The following GOLGA3 variants were observed in gnomAD, a reference collection of about 807,000 sequenced individuals.
The protein encoded by GOLGA3 is golgin A3, also known as golgin subfamily A member 3.
A neutral mutation model predicts 169.4 loss-of-function variants in GOLGA3; 75 were observed. That is an observed-to-expected ratio of 0.44 (90% CI 0.37 to 0.54). The LOEUF (loss-of-function observed/expected upper bound fraction) is 0.54. Among genes scored for constraint, GOLGA3 ranks in the 20% least tolerant of loss-of-function variants. GOLGA3 has a pLI of 0.00. For synonymous variants in GOLGA3, 824 were observed against 822.4 expected, an observed-to-expected ratio of 1.00 and a Z score of -0.03; for missense variants, 1,899 against 1,930.0, an observed-to-expected ratio of 0.98 and a Z score of 0.30.
At position 132,776,713 on chromosome 12, in the gene GOLGA3, A is replaced by T; in HGVS notation, c.3899T>A (p.Ile1300Asn). The change falls in exon 21 of 24, where the codon ATC (isoleucine) becomes AAC (asparagine). Residue 1300 changes from isoleucine to asparagine, a missense_variant. Ile to Asn is a moderately radical substitution (Grantham distance 149, BLOSUM62 -3). Transcript: ENST00000450791. ...KWEVDQKERE[I>N]QSLKQQLDLT... ...GTCCAGCTGCTGCTTCAAGGACTGG[A>T]TTTCTCTTTCTTTCTGATCCACCTC... 6.2e-7 allele frequency: 1 copy of T among 1,614,002 alleles called. No individual in the cohort carries two copies. The highest frequency in any genetic ancestry group is 8.5e-7 in the Non-Finnish European group (1 of 1,179,986).
At position 132,777,783 on chromosome 12, in the gene GOLGA3, G is replaced by C. The variant is rs1323126648; in HGVS notation, c.3605C>G (p.Ala1202Gly). ...CTTGAAGTGGCGGCGGTTATGCCCGGCTTCCACCTTGGCAGCAGCCACCTA... is the reference window on the plus strand; with the variant it reads ...CTTGAAGTGGCGGCGGTTATGCCCGCCTTCCACCTTGGCAGCAGCCACCTA... ...KEQVAAAKVEAGHNRRHFKAA... is the reference protein window; with the variant it reads ...KEQVAAAKVEGGHNRRHFKAA... The change falls in exon 19 of 24, where the codon GCC (alanine) becomes GGC (glycine). Residue 1202 changes from alanine (A) to glycine (G), a missense_variant. Physicochemically the swap from Ala to Gly is moderately conservative, Grantham distance 60. Coordinates refer to ENST00000450791, the MANE Select transcript of GOLGA3 (RefSeq NM_001389683.1). The surrounding 1 kb of genome is among the most constrained non-coding windows in gnomAD (Gnocchi z 4.7). 6.2e-7 allele frequency: 1 copy of C among 1,613,486 alleles called. No individual in the cohort carries two copies. The highest frequency in any genetic ancestry group is 8.5e-7 in the Non-Finnish European group (1 of 1,179,892).
Position 132,782,378 on chromosome 12 carries a change from T to G in GOLGA3, c.3383A>C (p.Asn1128Thr). 2.5e-6 allele frequency: 4 copies of G among 1,614,256 alleles called. No individual in the cohort carries two copies. Among genetic ancestry groups the G allele is most frequent in the South Asian group, 1.1e-5 (1 of 91,084 alleles). ...GCTGTTGTGTTCCCGCAGAGCTGCG[T>G]TGGACTGACCGAGGCCCGTAAGCTT... is the stretch of plus-strand genomic sequence containing the variant. ...KGKLTGLGQS[N>T]AALREHNSIL... Residue 1128 changes from asparagine (N) to threonine (T), a missense_variant, in exon 17 of 24, where the codon AAC (asparagine) becomes ACC (threonine). By Grantham distance (65) the Asn-to-Thr change is moderately conservative. Transcript: ENST00000450791.
intron 1 of GOLGA3, 73 bp from the exon 2 acceptor site, chr12:132,822,384 T>A (rs1950255315): frequency 1.1e-6 from 1 of 886,002 alleles, no homozygotes. Flanking sequence ...AATTAGCATT[T>A]GGTTCCCAAT....
intron 2 of GOLGA3, among the ~76,000 whole-genome samples, chr12:132,817,070 C>G (rs928043006): frequency 4.1e-4 from 62 of 151,896 alleles, no homozygotes; most frequent in Non-Finnish European, 7.1e-4. Flanking sequence ...CCTCCACACT[C>G]TAACGTGAAC....
chr12:132,793,651 G>A (rs1431487531), intron 11 of GOLGA3, among the ~76,000 whole-genome samples: 2 of 50,280 alleles, frequency 4.0e-5, no homozygotes, highest in Non-Finnish European at 7.2e-5. Context: ...CCCACCGCAC[G>A]GGACCCGCAC....
intron 7 of GOLGA3, among the ~76,000 whole-genome samples, chr12:132,802,383 A>G (rs1949169100): frequency 2.8e-5 from 1 of 36,288 alleles, no homozygotes; most frequent in South Asian, 6.3e-4. Context: ...TGCAGGGGGC[A>G]TGGGGGGTGC....
chr12:132,785,661 C>T (rs1484729829), intron 15 of GOLGA3, among the ~76,000 whole-genome samples: 1 of 152,150 alleles, frequency 6.6e-6, no homozygotes, highest in Non-Finnish European at 1.5e-5. Flanking sequence ...TCTCTTCCTA[C>T]CCATAAATTC....
rs1566103112 is a variant in GOLGA3 at position 132,796,546 on chromosome 12, A to G, written c.2093T>C (p.Leu698Pro). ...ADSAASLEQQ[L>P]EQVKLTLLQR... ...AGGGCTGCAGGGACTTACCTGCTCC[A>G]GCTGCTGCTCCAGGGATGCCGCCGA... The change falls in exon 10 of 24, where the codon CTG (leucine) becomes CCG (proline). Residue 698 changes from leucine (L) to proline (P), a missense_variant. Leu to Pro is a moderately conservative substitution (Grantham distance 98). Transcript: ENST00000450791. The G allele has an allele frequency of 6.2e-7, 1 of 1,610,242 alleles. No individual in the cohort carries two copies. Among genetic ancestry groups the G allele is most frequent in the Admixed American group, 1.7e-5 (1 of 59,978 alleles).
chr12:132,796,291 G>A (rs566264140), intron 10 of GOLGA3, 71 bp from the exon 11 acceptor site: 10 of 1,493,140 alleles, frequency 6.7e-6, no homozygotes, highest in East Asian at 2.3e-5. Flanking sequence ...TTTCCTGTTC[G>A]GGTTTCAAGT....
At chr12:132,806,956 C>T (rs533167592) in intron 6 of GOLGA3, among the ~76,000 whole-genome samples, 11 of 152,102 alleles carry the variant, frequency 7.2e-5, no homozygotes, top group South Asian at 4.2e-4. Context: ...CTGGTAGAGA[C>T]GCAGGGAGAA....
intron 2 of GOLGA3, among the ~76,000 whole-genome samples, chr12:132,820,425 G>A (rs527572740): frequency 2.0e-5 from 3 of 152,342 alleles, no homozygotes; most frequent in African/African-American, 7.2e-5. Context: ...CATTGCTCCT[G>A]AGCAGCAGAT....
chr12:132,780,810 G>C lies in GOLGA3; in HGVS notation c.3570C>G (p.Ser1190Arg). 1 of 1,606,782 alleles carries C rather than the reference G, an allele frequency of 6.2e-7. No individual in the cohort carries two copies. Among genetic ancestry groups the C allele is most frequent in the Non-Finnish European group, 8.5e-7 (1 of 1,175,812 alleles). Residue 1190 changes from serine to arginine, a missense_variant, in exon 18 of 24, where the codon AGC (serine) becomes AGG (arginine). By Grantham distance (110) the Ser-to-Arg change is moderately radical. Transcript: ENST00000450791. ...AGGTGGCACGCACCTGCTCCTTGAGGCTGTTCACCTTCTCCTTCTCCTTCT... is the reference window on the plus strand; with the variant it reads ...AGGTGGCACGCACCTGCTCCTTGAGCCTGTTCACCTTCTCCTTCTCCTTCT... ...SLEKEKEKVN[S>R]LKEQVAAAKV...
At chr12:132,790,113 C>T (rs896625395) in intron 12 of GOLGA3, among the ~76,000 whole-genome samples, 6 of 151,982 alleles carry the variant, frequency 3.9e-5, no homozygotes, top group Admixed American at 3.3e-4. Context: ...GGGCGGATCA[C>T]GAGGTCAGGA....
intron 8 of GOLGA3, 68 bp downstream of exon 8, chr12:132,801,699 G>A: frequency 6.9e-7 from 1 of 1,446,462 alleles, no homozygotes; most frequent in Non-Finnish European, 9.6e-7. Flanking sequence ...AAAAATCTCA[G>A]GAAAAAGCAC....
intron 18 of GOLGA3, among the ~76,000 whole-genome samples, chr12:132,780,384 A>AG (rs1237059995): frequency 6.6e-6 from 1 of 152,222 alleles, no homozygotes; most frequent in Non-Finnish European, 1.5e-5. Context: ...CCAACGTGTC[A>AG]GTGAACACCT....
At chr12:132,821,099 CAA>C (rs61336622) in intron 2 of GOLGA3, among the ~76,000 whole-genome samples, 4 of 49,322 alleles carry the variant, frequency 8.1e-5, no homozygotes, top group African/African-American at 9.4e-5. Context: ...GACACCGTCT[CAA>C]AAAAAAAAAA....
chr12:132,775,290 A>G lies in GOLGA3; in HGVS notation c.3994T>C (p.Leu1332=). The G allele has an allele frequency of 6.2e-7, 1 of 1,608,268 alleles. No homozygotes were observed. Among genetic ancestry groups the G allele is most frequent in the Non-Finnish European group, 8.5e-7 (1 of 1,177,682 alleles). The change falls in exon 22 of 24, where the codon TTG becomes CTG. Residue 1332 remains leucine (L), a synonymous_variant. Transcript: ENST00000450791. ...GACAGGTCTTCCTGGGCCATCTCCA[A>G]CTCAGACTTGACGTTCTGTGGAAAA... The part of the protein sequence containing the change: ...QQLLQNVKSE[L]EMAQEDLSMT...
intron 17 of GOLGA3, among the ~76,000 whole-genome samples, chr12:132,781,384 C>T (rs2045598491): frequency 6.6e-6 from 1 of 152,148 alleles, no homozygotes; most frequent in Non-Finnish European, 1.5e-5. Context: ...ACAGTGAAAC[C>T]TTGTCTCTAC....
chr12:132,773,046 T>G lies in GOLGA3; in HGVS notation c.*59A>C. On this transcript the variant is annotated 3_prime_UTR_variant, in exon 24 of 24. Coordinates refer to ENST00000450791, the MANE Select transcript of GOLGA3 (RefSeq NM_001389683.1). ...GAAAAACATCGACCACACAATCAAA[T>G]AAATAACATTGATAAGAGCCTTCTG... The G allele has an allele frequency of 8.3e-7, 1 of 1,197,960 alleles. No individual in the cohort carries two copies. The highest frequency in any genetic ancestry group is 2.9e-5 in the East Asian group (1 of 34,660). The allele number at this position is 1,197,960 out of a possible 1,614,324, so 74.2% of individuals were successfully genotyped here. A position where few individuals can be genotyped will look rare whatever the true frequency, so the allele number is the denominator to read the frequency against.
Sources: allele counts gnomAD v4.1 joint callset (sites outside exome capture counted in the v4.1 genomes callset), GRCh38; gene constraint gnomAD v4.1.1; non-coding constraint Gnocchi (gnomAD v3.1); transcripts MANE v1.5; gene names NCBI Gene and HGNC (gene_info 2026-07-23, HGNC 2026-07-21).